The following SPAG16 variants were observed in gnomAD, a reference collection of about 807,000 sequenced individuals.
SPAG16 encodes sperm associated antigen 16.
A neutral mutation model predicts 80.4 loss-of-function variants in SPAG16; 86 were observed. The observed-to-expected ratio is 1.07, with a 90% CI of 0.90 to 1.28. SPAG16 has a LOEUF of 1.28. Ranked by LOEUF, SPAG16 falls within the 50% of genes most tolerant of loss-of-function variation. The pLI is 0.00. For missense variants in SPAG16, 870 were observed against 765.3 expected, an observed-to-expected ratio of 1.14 and a Z score of -1.61; for synonymous variants, 294 against 265.9, an observed-to-expected ratio of 1.11 and a Z score of -1.03.
intron 10 of SPAG16, among the ~76,000 whole-genome samples, chr2:213,546,287 A>G (rs1457624072): frequency 1.3e-5 from 2 of 151,960 alleles, no homozygotes; most frequent in African/African-American, 4.8e-5. Flanking sequence ...CCTGTTCATT[A>G]TATTGCAGGG....
chr2:213,293,668 GTTATTTTGACTA>G (rs1475614548), intron 1 of SPAG16, among the ~76,000 whole-genome samples: 2 of 152,134 alleles, frequency 1.3e-5, no homozygotes, highest in African/African-American at 4.8e-5. Flanking sequence ...TAATTCTCCT[GTTATTTTGACTA>G]TGACATGAGA....
chr2:214,195,811 C>G (rs2057820134), intron 15 of SPAG16, among the ~76,000 whole-genome samples: 1 of 151,976 alleles, frequency 6.6e-6, no homozygotes, highest in Admixed American at 6.6e-5. Flanking sequence ...CTATGGAAGT[C>G]TAGATTCTGA....
intron 10 of SPAG16, among the ~76,000 whole-genome samples, chr2:213,724,848 A>G (rs1362789922): frequency 6.6e-6 from 1 of 151,082 alleles, no homozygotes; most frequent in African/African-American, 2.4e-5. Context: ...AAAACATGCC[A>G]GATCATCCCA....
At chr2:213,349,655 A>G (rs1030930887) in intron 6 of SPAG16, among the ~76,000 whole-genome samples, 3 of 152,198 alleles carry the variant, frequency 2.0e-5, no homozygotes, top group African/African-American at 7.2e-5. Context: ...AGTTTTCATC[A>G]GCAAAATATT....
intron 10 of SPAG16, among the ~76,000 whole-genome samples, chr2:213,733,767 T>A (rs2067168223): frequency 6.6e-6 from 1 of 152,098 alleles, no homozygotes; most frequent in Admixed American, 6.6e-5. Context: ...GTCTCCAGAT[T>A]TAAGGGTGAT....
intron 15 of SPAG16, among the ~76,000 whole-genome samples, chr2:214,332,352 T>C (rs1325931887): frequency 6.6e-6 from 1 of 152,224 alleles, no homozygotes; most frequent in Non-Finnish European, 1.5e-5. Context: ...TTTCTTTTAA[T>C]GGTATGTTGT....
intron 15 of SPAG16, among the ~76,000 whole-genome samples, chr2:214,342,342 A>G (rs1009895966): frequency 6.6e-6 from 1 of 152,170 alleles, no homozygotes; most frequent in African/African-American, 2.4e-5. Context: ...GTGAAGCTTC[A>G]TCTGTATTTA....
chr2:213,972,048 TG>T (rs1268723632), intron 12 of SPAG16, among the ~76,000 whole-genome samples: 1 of 151,796 alleles, frequency 6.6e-6, no homozygotes, highest in Admixed American at 6.6e-5. Context: ...TTAGGGTAAA[TG>T]GGCTATTCAT....
chr2:214,390,331 C>CA (rs1553572104), intron 15 of SPAG16, among the ~76,000 whole-genome samples: 15 of 112,626 alleles, frequency 1.3e-4, no homozygotes, highest in African/African-American at 5.2e-4. Context: ...AATGGGTATG[C>CA]TTTTTTTTTT....
intron 15 of SPAG16, among the ~76,000 whole-genome samples, chr2:214,295,315 A>C (rs1694056435): frequency 6.6e-6 from 1 of 152,214 alleles, no homozygotes; most frequent in Non-Finnish European, 1.5e-5. Context: ...CACTCATACC[A>C]TGAGAAATGA....
intron 9 of SPAG16, among the ~76,000 whole-genome samples, chr2:213,435,848 A>G (rs554471550): frequency 6.6e-6 from 1 of 152,328 alleles, no homozygotes; most frequent in South Asian, 2.1e-4. Context: ...TCATCTTAAT[A>G]TATATGCCAA....
At chr2:213,634,937 C>CAT (rs139895364) in intron 10 of SPAG16, among the ~76,000 whole-genome samples, 3,016 of 150,918 alleles carry the variant, frequency 0.02, 45 homozygotes, top group Middle Eastern at 0.052. Context: ...TTATTTCACT[C>CAT]ATATATATAT....
chr2:213,638,924 A>C (rs1321142570), intron 10 of SPAG16, among the ~76,000 whole-genome samples: 1 of 152,128 alleles, frequency 6.6e-6, no homozygotes, highest in Non-Finnish European at 1.5e-5. Context: ...GGGAGCTCCA[A>C]TGTTAGGTGC....
chr2:214,108,148 C>T (rs370610117), intron 13 of SPAG16, 48 bp from the exon 14 acceptor site: 27 of 1,418,154 alleles, frequency 1.9e-5, no homozygotes, highest in African/African-American at 5.7e-5. Context: ...TTCCTTTTTA[C>T]GTTCCAAAAG....
chr2:214,034,922 G>A (rs2048610332), intron 13 of SPAG16, among the ~76,000 whole-genome samples: 1 of 152,206 alleles, frequency 6.6e-6, no homozygotes, highest in Non-Finnish European at 1.5e-5. Context: ...CAGGTCCTGA[G>A]TTCTTGAACC....
intron 9 of SPAG16, 84 bp from the exon 10 acceptor site, chr2:213,489,879 G>T: frequency 9.3e-7 from 1 of 1,071,494 alleles, no homozygotes; most frequent in African/African-American, 1.6e-5. Flanking sequence ...TGTTTATGTT[G>T]TAATTTAATA....
chr2:213,823,463 C>T (rs2073076836), intron 10 of SPAG16, among the ~76,000 whole-genome samples: 2 of 152,070 alleles, frequency 1.3e-5, no homozygotes, highest in Non-Finnish European at 1.5e-5. Context: ...CAAGTTCAAG[C>T]GATTCTCCTG....
chr2:213,711,210 TTCCTC>T (rs2065971050), intron 10 of SPAG16, among the ~76,000 whole-genome samples: 1 of 152,150 alleles, frequency 6.6e-6, no homozygotes, highest in Admixed American at 6.5e-5. Context: ...TTTATGTACT[TTCCTC>T]TCAGTTATCA....
intron 10 of SPAG16, among the ~76,000 whole-genome samples, chr2:213,842,970 A>G (rs991854093): frequency 1.3e-5 from 2 of 152,234 alleles, no homozygotes; most frequent in South Asian, 4.1e-4. Flanking sequence ...AGGTCTCAGT[A>G]TGTTGCCCAG....
Sources: allele counts gnomAD v4.1 joint callset (sites outside exome capture counted in the v4.1 genomes callset), GRCh38; gene constraint gnomAD v4.1.1; transcripts MANE v1.5; gene names NCBI Gene and HGNC (gene_info 2026-07-23, HGNC 2026-07-21).